The following WDR13 variants were observed in gnomAD, a reference collection of about 807,000 sequenced individuals.
The protein encoded by WDR13 is WD repeat-containing protein 13.
In WDR13, 1 loss-of-function variant was observed where a neutral mutation model predicts 28.6. That is an observed-to-expected ratio of 0.03 (90% CI 0.01 to 0.17). The LOEUF is 0.17. WDR13 is among the 10% of genes least tolerant of loss of function. WDR13 has a pLI of 1.00. For synonymous variants in WDR13, 201 were observed against 185.9 expected (o/e 1.08, Z -0.66); for missense variants, 264 against 469.3 (o/e 0.56, Z 4.04).
chrX:48,604,161 G>C, intron 8 of WDR13, 111 bp from the exon 9 acceptor site: 1 of 638,356 alleles, frequency 1.6e-6, no homozygotes. Context: ...AAAAATATGG[G>C]TTTCATGAAC....
At chrX:48,603,579 C>T (rs1266612860) in intron 8 of WDR13, among the ~76,000 whole-genome samples, 1 of 111,436 alleles carries the variant, frequency 9.0e-6, no homozygotes, top group African/African-American at 3.3e-5. Context: ...ACTTGGGAGG[C>T]GGAGGTTGCA....
At chrX:48,598,330 G>A (rs1397445026) in intron 2 of WDR13, 7 of 1,023,923 alleles carry the variant, frequency 6.8e-6, no homozygotes, top group African/African-American at 4.0e-5. Flanking sequence ...GTGTCCCCTA[G>A]ACTTTTTTTT....
intron 6 of WDR13, 60 bp from the exon 7 acceptor site, chrX:48,601,724 G>A (rs2062187372): frequency 1.8e-6 from 2 of 1,098,982 alleles, no homozygotes; most frequent in Non-Finnish European, 2.4e-6. Flanking sequence ...CCCCACTGTG[G>A]TCAGACTCAA....
At chrX:48,602,246 G>T (rs369235773) in intron 8 of WDR13, 40 bp downstream of exon 8, 35 of 1,170,405 alleles carry the variant, frequency 3.0e-5, no homozygotes, top group Non-Finnish European at 3.9e-5. Flanking sequence ...CGGAGGACCT[G>T]CCTCCTCCAG....
At chrX:48,597,892 T>C in intron 1 of WDR13, 66 bp from the exon 2 acceptor site, 2 of 1,102,138 alleles carry the variant, frequency 1.8e-6, no homozygotes, top group Non-Finnish European at 2.4e-6. Flanking sequence ...AATGGTCGCC[T>C]GGTGGAAGGG....
At position 48,600,435 on chromosome X, in the gene WDR13, C is replaced by T. The variant is rs1303249328; in HGVS notation, c.640C>T (p.Arg214Trp). ...CCCACCCACAGTGCTTCGCGTGCTA[C>T]GGGGCCACACCCGTGGTGTCTCCGA... The part of the protein sequence containing the change: ...PAPPTVLRVL[R>W]GHTRGVSDFA... Residue 214 changes from arginine (R) to tryptophan (W), a missense_variant, in exon 6 of 10, where the codon CGG becomes TGG. Around this residue, in one of 4 missense-constraint regions of WDR13, gnomAD observed 157 missense variants for 270.2 expected, o/e 0.58. Coordinates refer to ENST00000376729, the MANE Select transcript of WDR13 (RefSeq NM_001347217.2). 3.3e-6 allele frequency: 4 copies of T among 1,211,334 alleles called. No individual in the cohort carries two copies. The highest frequency in any genetic ancestry group is 4.3e-5 in the Admixed American group (2 of 45,982).
chrX:48,598,657 C>A, intron 2 of WDR13, 60 bp from the exon 3 acceptor site: 2 of 776,123 alleles, frequency 2.6e-6, no homozygotes, highest in Admixed American at 4.1e-5. Flanking sequence ...CCCCCCCCCC[C>A]GAGCTGATTG....
intron 3 of WDR13, 88 bp from the exon 4 acceptor site, chrX:48,599,265 G>A (rs1400405739): frequency 1.3e-6 from 1 of 762,134 alleles, no homozygotes; most frequent in Non-Finnish European, 1.9e-6. Context: ...GAAGTGATCT[G>A]ACTCTAGGTA....
At chrX:48,597,903 A>G in intron 1 of WDR13, 55 bp from the exon 2 acceptor site, 3 of 1,113,386 alleles carry the variant, frequency 2.7e-6, no homozygotes, top group South Asian at 2.2e-5. Flanking sequence ...GGTGGAAGGG[A>G]CGGAACTAGA....
intron 4 of WDR13, 26 bp from the exon 5 acceptor site, chrX:48,599,561 A>G: frequency 8.3e-7 from 1 of 1,211,063 alleles, no homozygotes; most frequent in South Asian, 1.8e-5. Flanking sequence ...ACCTCCTGTC[A>G]CCCCTCACTT....
chrX:48,599,128 T>A, intron 3 of WDR13, 171 bp downstream of exon 3: 1 of 795,371 alleles, frequency 1.3e-6, no homozygotes, highest in Non-Finnish European at 1.8e-6. Context: ...AACAGGTCAG[T>A]AAACATATAG....
At chrX:48,598,196 T>C in intron 2 of WDR13, 159 bp downstream of exon 2, 2 of 1,128,275 alleles carry the variant, frequency 1.8e-6, no homozygotes, top group Admixed American at 7.2e-5. Context: ...CGCGGTGAGT[T>C]GGCTGCGCCG....
At chrX:48,604,179 A>G in intron 8 of WDR13, 93 bp from the exon 9 acceptor site, 1 of 778,824 alleles carries the variant, frequency 1.3e-6, no homozygotes, top group Non-Finnish European at 1.9e-6. Context: ...AACCCTGTAA[A>G]GAACTTAGGC....
chrX:48,608,696 ATGAT>A lies in WDR13; in HGVS notation c.*3671_*3674del, dbSNP rs1340563789. 5.4e-5 allele frequency: 6 copies of A among 111,875 alleles called. No individual in the cohort carries two copies. The highest frequency in any genetic ancestry group is 9.4e-5 in the Non-Finnish European group (5 of 53,211). 9.2% of individuals were successfully genotyped at this position (111,875 alleles called of 1,213,427 possible). Reference sequence around the variant, plus strand: ...ATTGTCTATTGAGTCTGGATTCAAGATGATTGATTGTGAATATTGTTGTGCATGA... The same window carrying A: ...ATTGTCTATTGAGTCTGGATTCAAGATGATTGTGAATATTGTTGTGCATGA... On this transcript the variant is annotated 3_prime_UTR_variant, in exon 10 of 10. Coordinates refer to ENST00000376729, the MANE Select transcript of WDR13 (RefSeq NM_001347217.2).
rs2062219381 is a variant in WDR13 at position 48,606,097 on chromosome X, C to G, written c.*1065C>G. 9.3e-6 allele frequency: 1 copy of G among 107,200 alleles called. No individual in the cohort carries two copies. The allele number at this position is 107,200 out of a possible 1,213,427, so 8.8% of individuals were successfully genotyped here. A position where few individuals can be genotyped will look rare whatever the true frequency, so the allele number is the denominator to read the frequency against. The stretch of plus-strand genomic sequence containing the variant: ...TGGCTTTTTTTCTGAGTGGGGGTGA[C>G]CAGAAGGTGTCAAGCAGAGGAGGAA... On this transcript the variant is annotated 3_prime_UTR_variant, in exon 10 of 10. Transcript: ENST00000376729.
intron 2 of WDR13, 179 bp downstream of exon 2, chrX:48,598,216 C>A: frequency 9.0e-7 from 1 of 1,113,335 alleles, no homozygotes; most frequent in South Asian, 2.3e-5. Flanking sequence ...GGAGAGGATT[C>A]TAAACAGCAA....
chrX:48,600,188 A>T (rs970177541), intron 5 of WDR13, 131 bp from the exon 6 acceptor site: 2 of 648,287 alleles, frequency 3.1e-6, no homozygotes, highest in Admixed American at 3.8e-5. Flanking sequence ...CAGCCAAGGA[A>T]AGCCCTTTGC....
chrX:48,598,629 C>T, intron 2 of WDR13, 88 bp from the exon 3 acceptor site: 1 of 1,095,554 alleles, frequency 9.1e-7, no homozygotes. Flanking sequence ...CTGCCACACA[C>T]CTCACTCTCC....
rs1556993314 is a variant in WDR13, at chrX:48,598,343, T to TA, written c.41+306_41+307insA. ...GGGTGTCCCCTAGACTTTTTTTTTT[T>TA]TACATCATCACTTCCCCATTCTGAC... is the stretch of plus-strand genomic sequence containing the variant. On this transcript the variant is annotated intron_variant, in intron 2 of 9. Transcript: ENST00000376729. 102 of 1,018,060 alleles carry TA rather than the reference T, an allele frequency of 1.0e-4. 1 individual carries two copies. The African/African-American group carries it at 1.7e-3, about 17-fold the overall frequency. The allele number at this position is 1,018,060 out of a possible 1,213,427, so 83.9% of individuals were successfully genotyped here. A position where few individuals can be genotyped will look rare whatever the true frequency, so the allele number is the denominator to read the frequency against.
Sources: gnomAD v4.1 joint callset for allele counts (sites outside exome capture counted in the v4.1 genomes callset) on GRCh38, gnomAD v4.1.1 for gene constraint, gnomAD v4.1.1 regional missense constraint, MANE v1.5 for transcripts, NCBI Gene and HGNC (gene_info 2026-07-23, HGNC 2026-07-21) for gene names.